The following EGF variants were observed in gnomAD, a reference collection of about 807,000 sequenced individuals.
EGF encodes epidermal growth factor.
In EGF, 95 loss-of-function variants were observed where a neutral mutation model predicts 143.8. The observed-to-expected ratio is 0.66, with a 90% confidence interval of 0.56 to 0.78. The LOEUF (loss-of-function observed/expected upper bound fraction) is 0.78, where lower values mean the gene tolerates loss of function less well. Ranked by LOEUF, EGF falls within the 30% of genes least tolerant of loss-of-function variation. The pLI is 0.00. For synonymous variants in EGF, 510 were observed against 510.5 expected, an observed-to-expected ratio of 1.00 and a Z score of 0.01; for missense variants, 1,320 against 1,470.9, an observed-to-expected ratio of 0.90 and a Z score of 1.68.
chr4:109,918,345 C>G (rs59744250), intron 1 of EGF, among the ~76,000 whole-genome samples: 1 of 150,546 alleles, frequency 6.6e-6, no homozygotes, highest in South Asian at 2.1e-4. Context: ...AACAGAAATG[C>G]GTGTGGTTGT....
chr4:109,926,408 G>T (rs1173409373), intron 1 of EGF, among the ~76,000 whole-genome samples: 1 of 148,942 alleles, frequency 6.7e-6, no homozygotes, highest in Non-Finnish European at 1.5e-5. Flanking sequence ...AAGCTGGAGT[G>T]CAGTGGCGCG....
intron 6 of EGF, among the ~76,000 whole-genome samples, chr4:109,960,073 C>A (rs1473424201): frequency 2.6e-5 from 4 of 152,242 alleles, no homozygotes; most frequent in South Asian, 4.1e-4. Flanking sequence ...TTAATTATAA[C>A]CCCCTGCTTA....
At chr4:109,959,235 T>C (rs944670063) in intron 5 of EGF, 77 bp from the exon 6 acceptor site, 2 of 1,601,938 alleles carry the variant, frequency 1.2e-6, no homozygotes, top group Non-Finnish European at 1.7e-6. Flanking sequence ...TAAGACCTCT[T>C]AAGAATCAGG....
chr4:109,997,818 G>A (rs114310567), intron 20 of EGF, among the ~76,000 whole-genome samples: 3,248 of 151,990 alleles, frequency 0.021, 124 homozygotes, highest in African/African-American at 0.073. Flanking sequence ...AGTTGTGATG[G>A]CACCACTGCA....
intron 5 of EGF, among the ~76,000 whole-genome samples, chr4:109,951,078 G>C (rs1369839908): frequency 6.6e-6 from 1 of 151,574 alleles, no homozygotes; most frequent in Non-Finnish European, 1.5e-5. Context: ...AGGCCAAGGC[G>C]GGTGGATCAC....
At chr4:109,992,170 T>TAAAAAAAAAAA (rs58841408) in intron 18 of EGF, among the ~76,000 whole-genome samples, 25 of 65,630 alleles carry the variant, frequency 3.8e-4, no homozygotes, top group South Asian at 7.3e-4. Flanking sequence ...CAAGATTCTT[T>TAAAAAAAAAAA]AAAAAAAAAA....
intron 16 of EGF, among the ~76,000 whole-genome samples, chr4:109,985,657 T>C (rs1750017593): frequency 6.6e-6 from 1 of 152,234 alleles, no homozygotes; most frequent in South Asian, 2.1e-4. Context: ...CTGACCGGGC[T>C]AGGGCTGCCT....
At chr4:109,946,960 A>G (rs1046683234) in intron 5 of EGF, among the ~76,000 whole-genome samples, 2 of 152,128 alleles carry the variant, frequency 1.3e-5, no homozygotes, top group African/African-American at 4.8e-5. Context: ...CTCTACTAAA[A>G]ATACAAAAAT....
intron 1 of EGF, among the ~76,000 whole-genome samples, chr4:109,917,580 G>A (rs1015600507): frequency 5.9e-5 from 9 of 151,888 alleles, no homozygotes; most frequent in Non-Finnish European, 5.9e-5. Context: ...TGATGGTGAG[G>A]TTTGGGCTTC....
chr4:109,958,253 G>C (rs1206400533), intron 5 of EGF, among the ~76,000 whole-genome samples: 1 of 152,104 alleles, frequency 6.6e-6, no homozygotes, highest in Admixed American at 6.6e-5. Flanking sequence ...TTCATGTTTT[G>C]CTTTTTGGAA....
chr4:110,001,397 T>G (rs1752555811), intron 21 of EGF, among the ~76,000 whole-genome samples: 1 of 152,218 alleles, frequency 6.6e-6, no homozygotes, highest in Non-Finnish European at 1.5e-5. Flanking sequence ...GGCACAAACT[T>G]GACATTTTAA....
chr4:109,944,427 A>G (rs1357311594), intron 4 of EGF, among the ~76,000 whole-genome samples: 1 of 152,252 alleles, frequency 6.6e-6, no homozygotes, highest in African/African-American at 2.4e-5. Context: ...CGACAGAGCG[A>G]GACTCCGTCT....
intron 9 of EGF, among the ~76,000 whole-genome samples, chr4:109,963,683 A>G (rs1746079524): frequency 6.6e-6 from 1 of 152,154 alleles, no homozygotes; most frequent in Non-Finnish European, 1.5e-5. Flanking sequence ...TGTCCTTTTA[A>G]TGTCAAAATT....
intron 3 of EGF, 79 bp from the exon 4 acceptor site, chr4:109,943,763 C>T: frequency 8.2e-7 from 1 of 1,221,394 alleles, no homozygotes; most frequent in Non-Finnish European, 1.2e-6. Flanking sequence ...TGTGAAGGAG[C>T]TGCTGAAACA....
In EGF at chr4:109,959,337, A is replaced by G; in HGVS notation, c.966A>G (p.Lys322=). 6.2e-7 allele frequency: 1 copy of G among 1,613,648 alleles called. No homozygotes were observed. The highest frequency in any genetic ancestry group is 1.7e-4 in the Middle Eastern group (1 of 6,054). Residue 322 remains lysine, a synonymous_variant, in exon 6 of 24, where the codon AAA becomes AAG. Transcript: ENST00000265171. ...AGCAGAAACTTTGCAAATTGAGGAA[A>G]GGAAACTGCAGCAGCACTGTGTGTG... The part of the protein sequence containing the change: ...EPEQKLCKLR[K]GNCSSTVCGQ...
chr4:109,936,206 T>C (rs1385236546), intron 1 of EGF, among the ~76,000 whole-genome samples: 1 of 152,232 alleles, frequency 6.6e-6, no homozygotes, highest in African/African-American at 2.4e-5. Context: ...AGCTATTAAT[T>C]ATTGCCTCAA....
intron 5 of EGF, among the ~76,000 whole-genome samples, chr4:109,946,690 G>A (rs1295488700): frequency 6.6e-6 from 1 of 151,894 alleles, no homozygotes; most frequent in Non-Finnish European, 1.5e-5. Flanking sequence ...TGTTTTTTTA[G>A]CCACCATATA....
At chr4:109,981,251 T>C (rs1418582348) in intron 15 of EGF, among the ~76,000 whole-genome samples, 1 of 152,214 alleles carries the variant, frequency 6.6e-6, no homozygotes, top group African/African-American at 2.4e-5. Context: ...GGCTTGGAAA[T>C]AAATGCCAAA....
chr4:109,919,455 G>T (rs1737393243), intron 1 of EGF, among the ~76,000 whole-genome samples: 2 of 151,900 alleles, frequency 1.3e-5, no homozygotes, highest in Admixed American at 1.3e-4. Context: ...CTTTACTTTG[G>T]CTTGATGGAC....
Sources: gnomAD v4.1 joint callset for allele counts (sites outside exome capture counted in the v4.1 genomes callset) on GRCh38, gnomAD v4.1.1 for gene constraint, MANE v1.5 for transcripts, NCBI Gene and HGNC (gene_info 2026-07-23, HGNC 2026-07-21) for gene names.